Variants in STXBP6 observed in about 807,000 individuals in gnomAD.
The protein encoded by STXBP6 is syntaxin binding protein 6.
In STXBP6, 21 loss-of-function variants were observed where a neutral mutation model predicts 26.9. The observed-to-expected ratio is 0.78, with a 90% CI of 0.55 to 1.12. The LOEUF (loss-of-function observed/expected upper bound fraction) is 1.12. STXBP6 is among the 50% of genes most tolerant of loss of function. The pLI, the probability that STXBP6 is intolerant of heterozygous loss-of-function variation, is 0.00. For synonymous variants in STXBP6, 97 were observed against 92.6 expected (o/e 1.05, Z -0.27); for missense variants, 232 against 257.9 (o/e 0.90, Z 0.69).
At chr14:24,898,320 GTAA>G (rs2071073519) in intron 2 of STXBP6, among the ~76,000 whole-genome samples, 1 of 152,176 alleles carries the variant, frequency 6.6e-6, no homozygotes, top group Admixed American at 6.5e-5. Context: ...TCACCACTGG[GTAA>G]TAATATTACT....
chr14:24,839,072 G>A (rs997382874), intron 4 of STXBP6, among the ~76,000 whole-genome samples: 3 of 152,080 alleles, frequency 2.0e-5, no homozygotes, highest in Admixed American at 6.5e-5. Flanking sequence ...CTTCTCAACT[G>A]GGAGCCTGGC....
At chr14:24,909,907 C>G (rs1010518815) in intron 2 of STXBP6, among the ~76,000 whole-genome samples, 3 of 151,806 alleles carry the variant, frequency 2.0e-5, no homozygotes, top group Non-Finnish European at 4.4e-5. Flanking sequence ...AGACCTGGCC[C>G]TGCCACCAAC....
chr14:25,001,218 C>A (rs746527502), intron 1 of STXBP6, among the ~76,000 whole-genome samples: 1 of 152,098 alleles, frequency 6.6e-6, no homozygotes, highest in Non-Finnish European at 1.5e-5. Flanking sequence ...GATTAATGTG[C>A]TGAGTAGAAT....
At chr14:24,890,349 A>T (rs2070746408) in intron 2 of STXBP6, among the ~76,000 whole-genome samples, 1 of 152,236 alleles carries the variant, frequency 6.6e-6, no homozygotes, top group Non-Finnish European at 1.5e-5. Context: ...GTTGGCATGG[A>T]TGTGGGATAA....
At chr14:24,852,367 C>A (rs1204864249) in intron 4 of STXBP6, among the ~76,000 whole-genome samples, 1 of 152,154 alleles carries the variant, frequency 6.6e-6, no homozygotes, top group Non-Finnish European at 1.5e-5. Flanking sequence ...CAATCTCACA[C>A]GTCTACGCTT....
intron 2 of STXBP6, among the ~76,000 whole-genome samples, chr14:24,892,592 C>T (rs1041108453): frequency 1.3e-5 from 2 of 152,020 alleles, no homozygotes; most frequent in Non-Finnish European, 2.9e-5. Flanking sequence ...GGCAGGGACC[C>T]CCCGCCCCCT....
chr14:24,897,427 A>AAAAAT (rs1555322755), intron 2 of STXBP6, among the ~76,000 whole-genome samples: 1 of 92,174 alleles, frequency 1.1e-5, no homozygotes, highest in Non-Finnish European at 2.4e-5. Flanking sequence ...AAAAAAAAAA[A>AAAAAT]GGAAAAAAAA....
rs1003349520 is a variant in STXBP6 at position 25,049,921 on chromosome 14, G to C, written c.-76C>G. 2.1e-6 allele frequency: 2 copies of C among 971,080 alleles called. No homozygotes were observed. Among genetic ancestry groups the C allele is most frequent in the African/African-American group, 1.8e-5 (1 of 56,896 alleles). 60.2% of individuals were successfully genotyped at this position (971,080 alleles called of 1,614,324 possible). A position where few individuals can be genotyped will look rare whatever the true frequency, so the allele number is the denominator to read the frequency against. On this transcript the variant is annotated 5_prime_UTR_variant, in exon 1 of 6. Coordinates refer to ENST00000323944, the MANE Select transcript of STXBP6 (RefSeq NM_001394410.1). The surrounding 1 kb of genome is among the most constrained non-coding windows in gnomAD (Gnocchi z 5.6). ...CCCCTGCCGTGCCAGTGCGCGGCAC[G>C]CGTCCCAGAGCACGAGGCTCCTCCC...
At chr14:24,928,765 C>T (rs927833177) in intron 2 of STXBP6, among the ~76,000 whole-genome samples, 1 of 152,082 alleles carries the variant, frequency 6.6e-6, no homozygotes, top group South Asian at 2.1e-4. Flanking sequence ...TTATTCATTC[C>T]AAAGGTACTT....
chr14:24,946,643 G>T (rs906624389), intron 2 of STXBP6, among the ~76,000 whole-genome samples: 1 of 152,174 alleles, frequency 6.6e-6, no homozygotes, highest in Non-Finnish European at 1.5e-5. Context: ...ACCAAAGTGG[G>T]TTAAAGGGTG....
At chr14:25,013,662 AC>A (rs2075083998) in intron 1 of STXBP6, among the ~76,000 whole-genome samples, 1 of 152,110 alleles carries the variant, frequency 6.6e-6, no homozygotes, top group African/African-American at 2.4e-5. Context: ...GGAACATTTA[AC>A]ATTTAACTCC....
At chr14:24,946,523 C>T (rs1215735759) in intron 2 of STXBP6, among the ~76,000 whole-genome samples, 1 of 152,132 alleles carries the variant, frequency 6.6e-6, no homozygotes. Flanking sequence ...ATGAATGCTA[C>T]TGAGAGATTG....
At chr14:24,950,310 A>G (rs1442347290) in intron 2 of STXBP6, among the ~76,000 whole-genome samples, 1 of 152,216 alleles carries the variant, frequency 6.6e-6, no homozygotes, top group Non-Finnish European at 1.5e-5. Flanking sequence ...ATACTCTTCA[A>G]CTTAGCAATC....
At chr14:24,966,209 G>A (rs2073728501) in intron 2 of STXBP6, among the ~76,000 whole-genome samples, 1 of 152,070 alleles carries the variant, frequency 6.6e-6, no homozygotes, top group Non-Finnish European at 1.5e-5. Flanking sequence ...GTATTGGAAT[G>A]CATACATGAG....
chr14:24,951,131 G>A (rs923532360), intron 2 of STXBP6, among the ~76,000 whole-genome samples: 4 of 152,126 alleles, frequency 2.6e-5, no homozygotes, highest in African/African-American at 9.7e-5. Flanking sequence ...TCTTTATCCA[G>A]TCTATCATGG....
chr14:25,016,944 T>C (rs1025596753), intron 1 of STXBP6, among the ~76,000 whole-genome samples: 4 of 152,048 alleles, frequency 2.6e-5, no homozygotes, highest in African/African-American at 9.7e-5. Context: ...ATAGGAGAAA[T>C]TGGAGGTAAG....
At chr14:25,044,216 T>C (rs979520660) in intron 1 of STXBP6, among the ~76,000 whole-genome samples, 3 of 150,662 alleles carry the variant, frequency 2.0e-5, no homozygotes, top group African/African-American at 7.3e-5. Flanking sequence ...GCTATGAATA[T>C]TCATATTTTC....
intron 1 of STXBP6, among the ~76,000 whole-genome samples, chr14:24,982,258 T>C (rs2074214699): frequency 6.6e-6 from 1 of 152,142 alleles, no homozygotes; most frequent in Admixed American, 6.5e-5. Flanking sequence ...AGGCATAGTG[T>C]TGAGAACCCC....
Position 24,819,382 on chromosome 14 carries a change from C to G in STXBP6, c.452-188G>C. 1.1e-5 allele frequency: 7 copies of G among 664,196 alleles called. 1 individual carries two copies. Among genetic ancestry groups the G allele is most frequent in the Non-Finnish European group, 1.9e-5 (7 of 373,812 alleles). 41.1% of individuals were successfully genotyped at this position (664,196 alleles called of 1,614,324 possible). On this transcript the variant is annotated intron_variant, in intron 4 of 5. Transcript: ENST00000323944. ...GACTGACGCACTTGCAGCAAGAACA[C>G]CCACTGACTGCAGGACCTAGGAAAA...
Sources: allele counts gnomAD v4.1 joint callset (sites outside exome capture counted in the v4.1 genomes callset), GRCh38; gene constraint gnomAD v4.1.1; non-coding constraint Gnocchi (gnomAD v3.1); transcripts MANE v1.5; gene names NCBI Gene and HGNC (gene_info 2026-07-23, HGNC 2026-07-21).